CAP2: variants seen among roughly 807,000 people sequenced by gnomAD.
CAP2 encodes the protein cyclase associated actin cytoskeleton regulatory protein 2, also known as adenylyl cyclase-associated protein 2.
A neutral mutation model predicts 57.7 loss-of-function variants in CAP2; 24 were observed. The ratio of observed to expected loss-of-function variants is 0.42; its 90% CI spans 0.30 to 0.58. CAP2 has a LOEUF of 0.58. CAP2 is among the 20% of genes least tolerant of loss of function. The probability of loss-of-function intolerance (pLI) is 0.22; values close to 1 mark genes in which losing one functional copy is unlikely to be tolerated. For synonymous variants in CAP2, 194 were observed against 207.2 expected, an observed-to-expected ratio of 0.94 and a Z score of 0.55; for missense variants, 501 against 590.3, an observed-to-expected ratio of 0.85 and a Z score of 1.57.
chr6:17,407,778 CAAAAAAAAAA>C lies in CAP2; in HGVS notation c.-1-13762_-1-13753del, dbSNP rs60480016. 1.7e-4 allele frequency among the ~76,000 whole-genome samples: 12 copies of C among 69,340 alleles called. No individual in the cohort carries two copies. In the East Asian group the frequency reaches 4.9e-3, roughly 28 times the overall value. The allele number at this position is 69,340 out of a possible 152,430, so 45.5% of individuals were successfully genotyped here. A position where few individuals can be genotyped will look rare whatever the true frequency, so the allele number is the denominator to read the frequency against. On this transcript the variant is annotated intron_variant, in intron 1 of 12. Transcript: ENST00000229922. ...TAGGTGACAGAGCAAGACTCGGTCT[CAAAAAAAAAA>C]AAAAAAAAAAAAAATCAAAGTCAAG...
At chr6:17,436,794 C>A (rs996392892) in intron 3 of CAP2, among the ~76,000 whole-genome samples, 14 of 152,064 alleles carry the variant, frequency 9.2e-5, no homozygotes, top group Non-Finnish European at 1.5e-4. Flanking sequence ...TGTTAGGAAC[C>A]AGGCTGCAGA....
chr6:17,423,740 G>C (rs1394966455), intron 2 of CAP2, among the ~76,000 whole-genome samples: 1 of 152,126 alleles, frequency 6.6e-6, no homozygotes, highest in Admixed American at 6.5e-5. Context: ...AGTAGAATTA[G>C]AGGGTATGTA....
chr6:17,396,075 AG>A (rs1447846787), intron 1 of CAP2, among the ~76,000 whole-genome samples: 1 of 152,226 alleles, frequency 6.6e-6, no homozygotes, highest in Non-Finnish European at 1.5e-5. Flanking sequence ...TATTCATCAG[AG>A]AAATGCAAAT....
At chr6:17,423,703 A>AT (rs756820299) in intron 2 of CAP2, among the ~76,000 whole-genome samples, 13 of 151,940 alleles carry the variant, frequency 8.6e-5, no homozygotes, top group South Asian at 6.2e-4. Flanking sequence ...TAAAAAAAAG[A>AT]TTTTTTCTAG....
At chr6:17,406,535 A>G (rs963515759) in intron 1 of CAP2, among the ~76,000 whole-genome samples, 5 of 151,872 alleles carry the variant, frequency 3.3e-5, no homozygotes, top group Admixed American at 6.6e-5. Flanking sequence ...CTGGGATTAC[A>G]GGCCCATGCC....
intron 11 of CAP2, among the ~76,000 whole-genome samples, chr6:17,547,525 GCTT>G (rs1408225804): frequency 6.6e-6 from 1 of 152,158 alleles, no homozygotes. Context: ...TCCTGTCATT[GCTT>G]CTTGTTCAAT....
intron 3 of CAP2, among the ~76,000 whole-genome samples, chr6:17,459,717 CAA>C (rs999269191): frequency 3.3e-5 from 5 of 151,406 alleles, no homozygotes; most frequent in African/African-American, 4.9e-5. Flanking sequence ...TACATTAATG[CAA>C]AAAAGATATG....
intron 7 of CAP2, among the ~76,000 whole-genome samples, chr6:17,528,112 C>G (rs189618083): frequency 6.6e-6 from 1 of 152,254 alleles, no homozygotes; most frequent in Admixed American, 6.5e-5. Flanking sequence ...GATATTCAAC[C>G]CTTTATTGTA....
chr6:17,449,517 G>A (rs943792725), intron 3 of CAP2, among the ~76,000 whole-genome samples: 8 of 151,416 alleles, frequency 5.3e-5, no homozygotes, highest in Non-Finnish European at 1.0e-4. Context: ...AGTGATTCTC[G>A]TGCCTCAGCC....
intron 3 of CAP2, among the ~76,000 whole-genome samples, chr6:17,433,406 C>T (rs1202923505): frequency 2.6e-5 from 4 of 152,338 alleles, no homozygotes; most frequent in African/African-American, 9.6e-5. Context: ...CTGTGTCTCC[C>T]ACCACCCTTG....
chr6:17,404,611 A>C (rs1758903518), intron 1 of CAP2, among the ~76,000 whole-genome samples: 1 of 151,558 alleles, frequency 6.6e-6, no homozygotes, highest in Non-Finnish European at 1.5e-5. Flanking sequence ...TCTCAAAAAA[A>C]AAAAAAAAAT....
chr6:17,486,132 T>A (rs1011703854), intron 4 of CAP2, among the ~76,000 whole-genome samples: 1 of 142,620 alleles, frequency 7.0e-6, no homozygotes, highest in African/African-American at 2.6e-5. Flanking sequence ...ACCCCTTGAG[T>A]CTTGGAGTTT....
At chr6:17,463,845 G>A (rs1760791985) in intron 4 of CAP2, among the ~76,000 whole-genome samples, 1 of 152,194 alleles carries the variant, frequency 6.6e-6, no homozygotes, top group African/African-American at 2.4e-5. Context: ...AAGATATTTA[G>A]AGGTGTTAGA....
At chr6:17,520,517 G>A (rs143966536) in intron 7 of CAP2, among the ~76,000 whole-genome samples, 4 of 152,262 alleles carry the variant, frequency 2.6e-5, no homozygotes, top group Non-Finnish European at 5.9e-5. Flanking sequence ...GTCGTTGGTG[G>A]TGGTTACAAT....
intron 7 of CAP2, among the ~76,000 whole-genome samples, chr6:17,538,466 GC>G (rs1561820677): frequency 1.3e-5 from 2 of 152,006 alleles, no homozygotes; most frequent in Non-Finnish European, 2.9e-5. Flanking sequence ...TTAAAAAAAA[GC>G]AAAACTGAAC....
intron 7 of CAP2, among the ~76,000 whole-genome samples, chr6:17,515,716 G>A (rs1431645312): frequency 6.6e-6 from 1 of 152,150 alleles, no homozygotes; most frequent in East Asian, 1.9e-4. Context: ...TTCTCTTTTA[G>A]TGTTCTAAAG....
chr6:17,438,656 G>A (rs1271371973), intron 3 of CAP2, among the ~76,000 whole-genome samples: 1 of 147,718 alleles, frequency 6.8e-6, no homozygotes. Context: ...AGCCAGGATG[G>A]TCTCAATCTC....
chr6:17,541,131 G>C lies in CAP2; in HGVS notation c.985G>C (p.Gly329Arg), dbSNP rs765313036. Residue 329 changes from glycine to arginine, a missense_variant, in exon 9 of 13, where the codon GGA (glycine) becomes CGA (arginine). Coordinates refer to ENST00000229922, the MANE Select transcript of CAP2 (RefSeq NM_006366.3). Reference protein sequence around the residue: ...QKHAPVLELEGKKWRVEYQED... With the variant: ...QKHAPVLELERKKWRVEYQED... ...ACATGCCCCAGTGTTGGAGTTGGAAGGAAAGAAATGGAGAGTGGTAAGTGA... is the reference window on the plus strand; with the variant it reads ...ACATGCCCCAGTGTTGGAGTTGGAACGAAAGAAATGGAGAGTGGTAAGTGA... The C allele has an allele frequency of 3.1e-6, 5 of 1,613,000 alleles. No individual in the cohort carries two copies. The highest frequency in any genetic ancestry group is 4.2e-6 in the Non-Finnish European group (5 of 1,179,356).
chr6:17,426,306 C>T (rs1248745911), intron 2 of CAP2, among the ~76,000 whole-genome samples: 1 of 149,180 alleles, frequency 6.7e-6, no homozygotes, highest in Non-Finnish European at 1.5e-5. Flanking sequence ...GATCTCGACT[C>T]ACTGAGATCA....
Sources: gnomAD v4.1 joint callset for allele counts (sites outside exome capture counted in the v4.1 genomes callset) on GRCh38, gnomAD v4.1.1 for gene constraint, MANE v1.5 for transcripts, NCBI Gene and HGNC (gene_info 2026-07-23, HGNC 2026-07-21) for gene names.